The following SECISBP2 variants were observed in gnomAD, a reference collection of about 807,000 sequenced individuals.
SECISBP2 encodes SECIS binding protein 2, also known as selenocysteine insertion sequence-binding protein 2.
SECISBP2 carries 96 observed loss-of-function variants against 98.2 expected under a neutral mutation model. The observed-to-expected ratio is 0.98, with a 90% CI of 0.83 to 1.16. The LOEUF (loss-of-function observed/expected upper bound fraction) is 1.16. Ranked by LOEUF, SECISBP2 falls within the 50% of genes most tolerant of loss-of-function variation. The pLI, the probability that SECISBP2 is intolerant of heterozygous loss-of-function variation, is 0.00. For missense variants in SECISBP2, 1,046 were observed against 1,022.9 expected (o/e 1.02, Z -0.31); for synonymous variants, 407 against 370.2 (o/e 1.10, Z -1.14).
Position 89,335,876 on chromosome 9 carries a change from G to A in SECISBP2, c.1089+1146G>A, listed in dbSNP as rs377657674. 1.6e-4 allele frequency among the ~76,000 whole-genome samples: 25 copies of A among 152,182 alleles called. 2 individuals carry two copies. The East Asian group carries it at 1.9e-3, about 12-fold the overall frequency. On this transcript the variant is annotated intron_variant, in intron 7 of 16. Coordinates refer to ENST00000375807, the MANE Select transcript of SECISBP2 (RefSeq NM_024077.5). The stretch of plus-strand genomic sequence containing the variant: ...CGTTGGCATAAGTTTATGCTCTGGT[G>A]TATAAAGTTTCTGCTTGTTTTTCCC...
At chr9:89,363,238 C>T (rs1031215809), downstream of SECISBP2, among the ~76,000 whole-genome samples, 8 of 151,922 alleles carry the variant, frequency 5.3e-5, no homozygotes, top group African/African-American at 1.4e-4. Flanking sequence ...CCTTGATCTC[C>T]TGCAGTCTCA....
chr9:89,343,465 A>G (rs570128737), intron 10 of SECISBP2, among the ~76,000 whole-genome samples: 131 of 152,222 alleles, frequency 8.6e-4, no homozygotes, highest in Non-Finnish European at 1.5e-3. Flanking sequence ...TAAGCCTGGT[A>G]ACCAATAGTT....
downstream of SECISBP2, among the ~76,000 whole-genome samples, chr9:89,360,470 A>T (rs932289501): frequency 1.3e-5 from 2 of 152,232 alleles, no homozygotes; most frequent in African/African-American, 4.8e-5. Context: ...TCCACTAGAG[A>T]TGAATTCCTC....
chr9:89,341,344 C>A lies in SECISBP2; in HGVS notation c.1303-3C>A. 5 of 1,613,108 alleles carry A rather than the reference C, an allele frequency of 3.1e-6. No individual in the cohort carries two copies. Among genetic ancestry groups the A allele is most frequent in the Non-Finnish European group, 4.2e-6 (5 of 1,179,328 alleles). Reference sequence around the variant, plus strand: ...AGTAAACTTACGAATTTTGAACTTTCAGGATAATTTTAAAAATAATGTAAA... The same window carrying A: ...AGTAAACTTACGAATTTTGAACTTTAAGGATAATTTTAAAAATAATGTAAA... On this transcript the variant is annotated splice_region_variant and splice_polypyrimidine_tract_variant and intron_variant, in intron 9 of 16. Transcript: ENST00000375807.
Position 89,359,142 on chromosome 9 carries a change from C to G in SECISBP2, c.*318C>G. ...ATACTTTGGCTGCTAAGGAAACTTC[C>G]TCTCCATTGCAGAATAGCTGAGCCA... On this transcript the variant is annotated 3_prime_UTR_variant, in exon 17 of 17. Coordinates refer to ENST00000375807, the MANE Select transcript of SECISBP2 (RefSeq NM_024077.5). 5.5e-6 allele frequency: 2 copies of G among 364,444 alleles called. No homozygotes were observed. Among genetic ancestry groups the G allele is most frequent in the South Asian group, 4.6e-5 (2 of 43,884 alleles). 22.6% of individuals were successfully genotyped at this position (364,444 alleles called of 1,614,324 possible).
intron 10 of SECISBP2, among the ~76,000 whole-genome samples, chr9:89,344,039 G>A (rs1425550527): frequency 6.6e-6 from 1 of 152,192 alleles, no homozygotes; most frequent in East Asian, 1.9e-4. Context: ...GTATCTCATT[G>A]TGGTTTTGAT....
At chr9:89,357,966 G>T (rs1199915043) in intron 15 of SECISBP2, 33 bp from the exon 16 acceptor site, 2 of 1,610,414 alleles carry the variant, frequency 1.2e-6, no homozygotes, top group African/African-American at 2.7e-5. Context: ...CTGTAGCTGG[G>T]ATGTTACCTG....
Position 89,358,725 on chromosome 9 carries a change from A to AATCTGGAAAAAAC in SECISBP2, c.2475_2487dup (p.Ala830LysfsTer61). 1 of 1,610,644 alleles carries AATCTGGAAAAAAC rather than the reference A, an allele frequency of 6.2e-7. No individual in the cohort carries two copies. The highest frequency in any genetic ancestry group is 8.5e-7 in the Non-Finnish European group (1 of 1,176,790). On this transcript the variant is annotated frameshift_variant, in exon 17 of 17. Transcript: ENST00000375807. LOFTEE classifies it high-confidence loss of function. Reference sequence around the variant, plus strand: ...CGTGCTGTTTTCTCATTTTAGTTGAAATCTGGAAAAAACATCTGGAAGCAT... The same window carrying AATCTGGAAAAAAC: ...CGTGCTGTTTTCTCATTTTAGTTGAAATCTGGAAAAAACATCTGGAAAAAACATCTGGAAGCAT...
intron 6 of SECISBP2, 151 bp from the exon 7 acceptor site, chr9:89,334,371 G>A: frequency 1.2e-6 from 1 of 811,364 alleles, no homozygotes; most frequent in Non-Finnish European, 2.0e-6. Context: ...CAAGTTTAGT[G>A]ACTACTATAG....
intron 5 of SECISBP2, chr9:89,329,288 T>C (rs1201933229): frequency 4.6e-6 from 1 of 216,718 alleles, no homozygotes. Flanking sequence ...ATTTTTTTTT[T>C]GTATTTTAGT....
In SECISBP2 at chr9:89,359,008, G is replaced by C; in HGVS notation, c.*184G>C. 2 of 611,558 alleles carry C rather than the reference G, an allele frequency of 3.3e-6. No individual in the cohort carries two copies. The highest frequency in any genetic ancestry group is 1.9e-5 in the South Asian group (1 of 52,534). 37.9% of individuals were successfully genotyped at this position (611,558 alleles called of 1,614,324 possible). ...GTTCAGTGCTGCGGAGCCTGTTAAAGGTCACTCAGATGTGCAGGTGTTAAT... is the reference window on the plus strand; with the variant it reads ...GTTCAGTGCTGCGGAGCCTGTTAAACGTCACTCAGATGTGCAGGTGTTAAT... On this transcript the variant is annotated 3_prime_UTR_variant, in exon 17 of 17. Transcript: ENST00000375807.
chr9:89,337,207 T>C (rs1180714340), intron 7 of SECISBP2, among the ~76,000 whole-genome samples: 1 of 152,330 alleles, frequency 6.6e-6, no homozygotes, highest in East Asian at 1.9e-4. Flanking sequence ...TTTTCTTAAT[T>C]ATAGGTCTAA....
intron 2 of SECISBP2, chr9:89,322,670 T>A (rs367951891): frequency 6.6e-6 from 1 of 152,236 alleles, no homozygotes; most frequent in Non-Finnish European, 1.5e-5. Flanking sequence ...TTAAAGCAGA[T>A]CAGCTATGAG....
intron 6 of SECISBP2, chr9:89,334,117 A>G: frequency 8.8e-7 from 1 of 1,138,156 alleles, no homozygotes. Context: ...GCTGAAGTCT[A>G]GTGATCTTTG....
chr9:89,338,455 T>G lies in SECISBP2; in HGVS notation c.1090-3T>G. 6.2e-7 allele frequency: 1 copy of G among 1,613,128 alleles called. No individual in the cohort carries two copies. The highest frequency in any genetic ancestry group is 8.5e-7 in the Non-Finnish European group (1 of 1,179,882). On this transcript the variant is annotated splice_polypyrimidine_tract_variant and splice_region_variant and intron_variant, in intron 7 of 16. Coordinates refer to ENST00000375807, the MANE Select transcript of SECISBP2 (RefSeq NM_024077.5). ...GATTTTTTGCTTTGATTTTCTGTTC[T>G]AGTCTAAAGCATCACAAGGTAGTGA...
At chr9:89,319,873 G>A in intron 2 of SECISBP2, 76 bp downstream of exon 2, 7 of 1,419,834 alleles carry the variant, frequency 4.9e-6, no homozygotes, top group Non-Finnish European at 6.0e-6. Flanking sequence ...CAAATACTCA[G>A]CAGTTACTGC....
Position 89,359,078 on chromosome 9 carries a change from C to A in SECISBP2, c.*254C>A, listed in dbSNP as rs1832541491. 2 of 506,978 alleles carry A rather than the reference C, an allele frequency of 3.9e-6. No homozygotes were observed. Among genetic ancestry groups the A allele is most frequent in the African/African-American group, 3.9e-5 (2 of 51,712 alleles). The allele number at this position is 506,978 out of a possible 1,614,324, so 31.4% of individuals were successfully genotyped here. On this transcript the variant is annotated 3_prime_UTR_variant, in exon 17 of 17. Transcript: ENST00000375807. ...ATACAGCTCTGGCTTTCTGAGCACA[C>A]TACGGATCTGGAAAATACTGGAAAA...
chr9:89,318,753 G>T, intron 1 of SECISBP2, 141 bp downstream of exon 1: 2 of 1,231,340 alleles, frequency 1.6e-6, no homozygotes, highest in South Asian at 4.2e-5. Context: ...CTACCGGGTG[G>T]CCGCGATCTT....
intron 7 of SECISBP2, among the ~76,000 whole-genome samples, chr9:89,335,594 G>T (rs1236147858): frequency 3.9e-5 from 6 of 152,122 alleles, no homozygotes; most frequent in Admixed American, 3.9e-4. Flanking sequence ...GCCTCCCAAA[G>T]TGCTGGGATT....
Sources: gnomAD v4.1 joint callset for allele counts (sites outside exome capture counted in the v4.1 genomes callset) on GRCh38, gnomAD v4.1.1 for gene constraint, MANE v1.5 for transcripts, NCBI Gene and HGNC (gene_info 2026-07-23, HGNC 2026-07-21) for gene names.